The following FAM217B variants were observed in gnomAD, a reference collection of about 807,000 sequenced individuals.
FAM217B encodes the protein family with sequence similarity 217 member B, also known as protein FAM217B.
For missense variants in FAM217B, 463 were observed against 456.9 expected, an observed-to-expected ratio of 1.01 and a Z score of -0.12; for synonymous variants, 163 against 173.0, an observed-to-expected ratio of 0.94 and a Z score of 0.45.
rs201220395 is a variant in FAM217B at position 59,944,148 on chromosome 20, G to A, written c.205G>A (p.Gly69Arg). ...KRNPLGSRCQ[G>R]ASGNKLFLDF... is the part of the protein sequence containing the mutation. ...GAATCCACTCGGTTCCAGGTGTCAG[G>A]GGGCCTCAGGGAATAAACTGTTTCT... The change falls in exon 4 of 4, where the codon GGG becomes AGG. Residue 69 changes from glycine to arginine, a missense_variant. Gly to Arg is a moderately radical substitution (Grantham distance 125, BLOSUM62 -2). Transcript: ENST00000360816. 1.9e-4 allele frequency: 305 copies of A among 1,613,918 alleles called. No individual in the cohort carries two copies. Among genetic ancestry groups the A allele is most frequent in the Non-Finnish European group, 1.8e-4 (214 of 1,179,990 alleles).
intron 1 of FAM217B, among the ~76,000 whole-genome samples, chr20:59,941,766 C>T (rs1163541405): frequency 1.3e-5 from 2 of 152,188 alleles, no homozygotes; most frequent in Non-Finnish European, 2.9e-5. Flanking sequence ...TGCCATTTTT[C>T]TGGGTACTCC....
upstream of FAM217B, chr20:59,939,518 G>A (rs2060885028): frequency 6.2e-7 from 1 of 1,612,072 alleles, no homozygotes; most frequent in Non-Finnish European, 8.5e-7. Context: ...ACAGGTCCGA[G>A]TTGATTGCGA....
intron 1 of FAM217B, among the ~76,000 whole-genome samples, chr20:59,941,278 C>CAAAGAA (rs1296878861): frequency 6.6e-6 from 1 of 152,132 alleles, no homozygotes; most frequent in African/African-American, 2.4e-5. Context: ...GAAAGAAAAC[C>CAAAGAA]AGACTAATGA....
At chr20:59,935,829 A>C (rs2060859235), upstream of FAM217B, among the ~76,000 whole-genome samples, 1 of 152,222 alleles carries the variant, frequency 6.6e-6, no homozygotes, top group African/African-American at 2.4e-5. Flanking sequence ...TGAATCAACA[A>C]GCATTTATTT....
At chr20:59,934,724 TAAC>T (rs970792464) in intron 1 of FAM217B, among the ~76,000 whole-genome samples, 50 of 152,140 alleles carry the variant, frequency 3.3e-4, no homozygotes, top group African/African-American at 1.1e-3. Flanking sequence ...TATATTTTAA[TAAC>T]ATTTTAATTT....
At chr20:59,934,894 T>C (rs1038236952) in intron 1 of FAM217B, among the ~76,000 whole-genome samples, 4 of 152,196 alleles carry the variant, frequency 2.6e-5, no homozygotes, top group African/African-American at 9.7e-5. Context: ...CAGAGGTGTT[T>C]TAAATATTCT....
Position 59,948,062 on chromosome 20 carries a change from A to G in FAM217B, c.*2967A>G, listed in dbSNP as rs1601053100. ...TAAAAAAAAAAAGAAAAAGAAAAAG[A>G]AAAAGAAAAATATTTTAGGCTTAGA... On this transcript the variant is annotated 3_prime_UTR_variant, in exon 4 of 4. Transcript: ENST00000360816. 6.1e-6 allele frequency: 1 copy of G among 164,482 alleles called. No homozygotes were observed. The highest frequency in any genetic ancestry group is 1.9e-4 in the East Asian group (1 of 5,212). 10.2% of individuals were successfully genotyped at this position (164,482 alleles called of 1,614,324 possible). A position where few individuals can be genotyped will look rare whatever the true frequency, so the allele number is the denominator to read the frequency against.
chr20:59,940,259 G>A (rs765595605), upstream of FAM217B: 6 of 215,108 alleles, frequency 2.8e-5, no homozygotes, highest in Non-Finnish European at 6.0e-5. Flanking sequence ...TGCGTTCCGG[G>A]AGCGGCCCCT....
chr20:59,939,249 C>T (rs1355767822), upstream of FAM217B: 1 of 1,611,692 alleles, frequency 6.2e-7, no homozygotes, highest in East Asian at 2.2e-5. Flanking sequence ...GCCCTCGGGG[C>T]CTGCGGGCCC....
At chr20:59,937,164 C>G (rs2060867509), upstream of FAM217B, 2 of 152,660 alleles carry the variant, frequency 1.3e-5, no homozygotes, top group African/African-American at 2.4e-5. Context: ...ATGAGATTCT[C>G]TACATGCCTT....
upstream of FAM217B, chr20:59,939,868 G>A (rs774781127): frequency 4.0e-6 from 5 of 1,246,694 alleles, no homozygotes; most frequent in Admixed American, 8.3e-5. Flanking sequence ...CTGAGGCTCC[G>A]GGGGCCGAGC....
Position 59,946,777 on chromosome 20 carries a change from C to T in FAM217B, c.*1682C>T, listed in dbSNP as rs549737173. On this transcript the variant is annotated 3_prime_UTR_variant, in exon 4 of 4. Coordinates refer to ENST00000360816, the MANE Select transcript of FAM217B (RefSeq NM_022106.3). ...GATGTACATATAGTAAGTATTACTT[C>T]CGTAGTCCTCAAATTTACTATAACT... The T allele has an allele frequency of 2.0e-4, 33 of 167,116 alleles. No homozygotes were observed. The South Asian group carries it at 6.4e-3, about 33-fold the overall frequency. The allele number at this position is 167,116 out of a possible 1,614,324, so 10.4% of individuals were successfully genotyped here.
chr20:59,944,885 C>G lies in FAM217B; in HGVS notation c.942C>G (p.Ser314Arg), dbSNP rs1213850946. The G allele has an allele frequency of 1.2e-6, 2 of 1,614,056 alleles. No homozygotes were observed. The highest frequency in any genetic ancestry group is 1.7e-5 in the Admixed American group (1 of 60,002). The change falls in exon 4 of 4, where the codon AGC becomes AGG. Residue 314 changes from serine to arginine, a missense_variant. Coordinates refer to ENST00000360816, the MANE Select transcript of FAM217B (RefSeq NM_022106.3). ...GGGATCTGTCCGGCAGTGGAAGCAG[C>G]TCTAAGGTGGAAACCAGCGGTCACA... ...QRWDLSGSGS[S>R]SKVETSGHIR...
At chr20:59,933,859 T>C (rs1048670202) in intron 1 of FAM217B, 5 of 149,114 alleles carry the variant, frequency 3.4e-5, no homozygotes, top group Non-Finnish European at 5.9e-5. Flanking sequence ...CTCAGGTTAG[T>C]GGGTCCCCGC....
At chr20:59,935,273 A>AT (rs1276961755) in intron 1 of FAM217B, among the ~76,000 whole-genome samples, 2 of 152,104 alleles carry the variant, frequency 1.3e-5, no homozygotes, top group East Asian at 1.9e-4. Flanking sequence ...AATAGTGATG[A>AT]TTTTTTACCT....
chr20:59,942,174 C>A lies in FAM217B; in HGVS notation c.-202-24C>A, dbSNP rs2060909292. ...TAGGACCATTTGCAATCAATAGTTACTGACAGTATTCTGTTGCTTCTAGTT... is the reference window on the plus strand; with the variant it reads ...TAGGACCATTTGCAATCAATAGTTAATGACAGTATTCTGTTGCTTCTAGTT... On this transcript the variant is annotated intron_variant, in intron 1 of 3. Transcript: ENST00000360816. The A allele has an allele frequency of 2.0e-5, 3 of 152,616 alleles. No homozygotes were observed. The South Asian group carries it at 6.2e-4, about 32-fold the overall frequency. 9.5% of individuals were successfully genotyped at this position (152,616 alleles called of 1,614,324 possible).
At chr20:59,939,563 G>T (rs1200031411), upstream of FAM217B, 1 of 1,611,302 alleles carries the variant, frequency 6.2e-7, no homozygotes. Flanking sequence ...CGGACGGGTC[G>T]TCTCCCGCGT....
intron 3 of FAM217B, 28 bp downstream of exon 3, chr20:59,942,540 T>A (rs1430746990): frequency 6.6e-6 from 1 of 152,236 alleles, no homozygotes; most frequent in Non-Finnish European, 1.5e-5. Context: ...AATTGCTTTA[T>A]CTTGCAAAAG....
At chr20:59,939,231 T>C (rs1054482076), upstream of FAM217B, 1 of 1,610,774 alleles carries the variant, frequency 6.2e-7, no homozygotes, top group Non-Finnish European at 8.5e-7. Flanking sequence ...GGTGAAAACG[T>C]CCTCCGTGCC....
Sources: gnomAD v4.1 joint callset for allele counts (sites outside exome capture counted in the v4.1 genomes callset) on GRCh38, gnomAD v4.1.1 for gene constraint, MANE v1.5 for transcripts, NCBI Gene and HGNC (gene_info 2026-07-23, HGNC 2026-07-21) for gene names.